RGS6: variants seen among roughly 807,000 people sequenced by gnomAD.
RGS6 encodes the protein regulator of G-protein signaling 6.
A neutral mutation model predicts 78.5 loss-of-function variants in RGS6; 30 were observed. The ratio of observed to expected loss-of-function variants is 0.38; its 90% confidence interval spans 0.29 to 0.52. The LOEUF (loss-of-function observed/expected upper bound fraction) is 0.52. Among genes scored for constraint, RGS6 ranks in the 20% least tolerant of loss-of-function variants. The pLI is 0.85. For missense variants in RGS6, 495 were observed against 609.7 expected, an observed-to-expected ratio of 0.81 and a Z score of 1.98; for synonymous variants, 206 against 206.0, an observed-to-expected ratio of 1.00 and a Z score of 0.00.
chr14:72,548,022 G>A (rs1181493373), intron 17 of RGS6, among the ~76,000 whole-genome samples: 2 of 152,218 alleles, frequency 1.3e-5, no homozygotes, highest in South Asian at 2.1e-4. Context: ...TCACCTCCAC[G>A]TCCCTGTTTG....
At chr14:72,547,441 C>G (rs1443418848) in intron 17 of RGS6, 8 of 936,180 alleles carry the variant, frequency 8.5e-6, no homozygotes, top group African/African-American at 8.4e-5. Context: ...GATGCTTCCC[C>G]CTTTTAAAAT....
At chr14:72,397,965 G>A (rs949332052) in intron 3 of RGS6, among the ~76,000 whole-genome samples, 6 of 152,130 alleles carry the variant, frequency 3.9e-5, no homozygotes, top group South Asian at 2.1e-4. Context: ...GTATTTTACC[G>A]AGAATTTTTG....
At chr14:72,191,542 G>A (rs1034316521) in intron 2 of RGS6, among the ~76,000 whole-genome samples, 1 of 152,218 alleles carries the variant, frequency 6.6e-6, no homozygotes, top group African/African-American at 2.4e-5. Context: ...AGAGCAAAGG[G>A]ACATCTTACA....
At chr14:72,496,913 A>G (rs2096652696) in intron 13 of RGS6, among the ~76,000 whole-genome samples, 1 of 152,222 alleles carries the variant, frequency 6.6e-6, no homozygotes, top group African/African-American at 2.4e-5. Flanking sequence ...CTTTCCATGT[A>G]AACACATATA....
rs1036292622 is a variant in RGS6 at position 72,317,340 on chromosome 14, T to C, written c.85-34755T>C. Among the ~76,000 whole-genome samples, 4 of 152,184 alleles carry C rather than the reference T, an allele frequency of 2.6e-5. No homozygotes were observed. The South Asian group carries it at 8.3e-4, about 32-fold the overall frequency. On this transcript the variant is annotated intron_variant, in intron 2 of 17. Transcript: ENST00000553525. The stretch of plus-strand genomic sequence containing the variant: ...AACAACTGAGGTTAAAGTGTTCTAA[T>C]TTTCTGTCTAGATTCATCTTTTATG...
intron 2 of RGS6, among the ~76,000 whole-genome samples, chr14:72,128,894 C>T (rs1282190947): frequency 2.0e-5 from 3 of 152,090 alleles, no homozygotes; most frequent in Admixed American, 6.6e-5. Flanking sequence ...TGGCAGATGC[C>T]GTCAGTACTG....
chr14:72,033,558 T>C (rs901957638), intron 2 of RGS6, among the ~76,000 whole-genome samples: 12 of 152,180 alleles, frequency 7.9e-5, no homozygotes, highest in African/African-American at 2.9e-4. Flanking sequence ...TTTACCCTCA[T>C]GATCATGTGG....
chr14:72,444,765 GA>G (rs1169306971), intron 3 of RGS6, among the ~76,000 whole-genome samples: 1 of 152,302 alleles, frequency 6.6e-6, no homozygotes, highest in East Asian at 1.9e-4. Context: ...CCTGGGAGAA[GA>G]CCCCAGGTTG....
intron 2 of RGS6, among the ~76,000 whole-genome samples, chr14:71,980,118 A>T (rs1333198706): frequency 7.9e-6 from 1 of 126,534 alleles, no homozygotes; most frequent in Admixed American, 8.4e-5. Flanking sequence ...TGCTTGGTAG[A>T]TCTTCCTCCA....
At chr14:72,400,623 C>T (rs1015461192) in intron 3 of RGS6, among the ~76,000 whole-genome samples, 3 of 152,194 alleles carry the variant, frequency 2.0e-5, no homozygotes, top group African/African-American at 7.2e-5. Flanking sequence ...TGATTCTGTT[C>T]AGTAACCATA....
At chr14:72,433,959 T>C (rs1306487100) in intron 3 of RGS6, among the ~76,000 whole-genome samples, 1 of 152,262 alleles carries the variant, frequency 6.6e-6, no homozygotes. Context: ...TTGTGTTCCA[T>C]GATTCCGTGG....
At chr14:72,004,916 A>G (rs1046193914) in intron 2 of RGS6, among the ~76,000 whole-genome samples, 2 of 152,250 alleles carry the variant, frequency 1.3e-5, no homozygotes, top group African/African-American at 4.8e-5. Context: ...ATGGTGGACC[A>G]TTTGGCCTCC....
chr14:71,912,987 G>T, the RGS6 span, among the ~76,000 whole-genome samples: 1 of 151,790 alleles, frequency 6.6e-6, no homozygotes, highest in African/African-American at 2.4e-5. Context: ...CACCACACCC[G>T]GCTAATTTTT....
chr14:72,299,038 C>T (rs1490907860), intron 2 of RGS6, among the ~76,000 whole-genome samples: 1 of 152,030 alleles, frequency 6.6e-6, no homozygotes, highest in Non-Finnish European at 1.5e-5. Context: ...TGTTCATTTC[C>T]TGTAAGTTGT....
the RGS6 span, among the ~76,000 whole-genome samples, chr14:71,888,925 G>A: frequency 6.6e-6 from 1 of 152,186 alleles, no homozygotes; most frequent in Non-Finnish European, 1.5e-5. Context: ...AAAAGAGCAT[G>A]AAGTCAGGAG....
chr14:72,050,424 A>G (rs181656910), intron 2 of RGS6, among the ~76,000 whole-genome samples: 223 of 152,318 alleles, frequency 1.5e-3, no homozygotes, highest in Non-Finnish European at 2.7e-3. Context: ...TGATGTTGTA[A>G]ATTAATGCTT....
intron 2 of RGS6, among the ~76,000 whole-genome samples, chr14:72,203,668 T>TC (rs2042080453): frequency 1.3e-5 from 2 of 152,100 alleles, no homozygotes; most frequent in Admixed American, 1.3e-4. Flanking sequence ...GTGGCTGGCT[T>TC]CCCCCAGAGA....
chr14:72,448,072 A>C (rs950269206), intron 3 of RGS6, among the ~76,000 whole-genome samples: 7 of 152,206 alleles, frequency 4.6e-5, no homozygotes, highest in Non-Finnish European at 5.9e-5. Context: ...CATTGTGAAG[A>C]GAGTTTTGTA....
intron 3 of RGS6, among the ~76,000 whole-genome samples, chr14:72,369,265 T>C (rs749557727): frequency 2.0e-5 from 3 of 151,956 alleles, no homozygotes; most frequent in Non-Finnish European, 4.4e-5. Flanking sequence ...GAGAAGGCCA[T>C]ATGGCCTCAG....
Sources: allele counts gnomAD v4.1 joint callset (sites outside exome capture counted in the v4.1 genomes callset), GRCh38; gene constraint gnomAD v4.1.1; transcripts MANE v1.5; gene names NCBI Gene and HGNC (gene_info 2026-07-23, HGNC 2026-07-21).